Variants in EXOC3L2 observed in about 807,000 individuals in gnomAD.
EXOC3L2 encodes exocyst complex component 3-like protein 2.
In EXOC3L2, 17 loss-of-function variants were observed where a neutral mutation model predicts 44.4. The observed-to-expected ratio is 0.38, with a 90% CI of 0.26 to 0.57. The LOEUF (loss-of-function observed/expected upper bound fraction) is 0.57, where lower values mean the gene tolerates loss of function less well. Among genes scored for constraint, EXOC3L2 ranks in the 20% least tolerant of loss-of-function variants. EXOC3L2 has a pLI of 0.65. For missense variants in EXOC3L2, 541 were observed against 588.4 expected (o/e 0.92, Z 0.83); for synonymous variants, 256 against 253.7 (o/e 1.01, Z -0.09).
At chr19:45,217,952 G>A (rs1969854630) in intron 9 of EXOC3L2, among the ~76,000 whole-genome samples, 1 of 151,774 alleles carries the variant, frequency 6.6e-6, no homozygotes, top group Admixed American at 6.6e-5. Context: ...CCACTCTCAG[G>A]GGCCCTGACT....
chr19:45,230,657 A>C (rs1970021580), intron 4 of EXOC3L2, among the ~76,000 whole-genome samples: 1 of 152,100 alleles, frequency 6.6e-6, no homozygotes, highest in Non-Finnish European at 1.5e-5. Context: ...CCAAGGGTCT[A>C]TGTTTTATTG....
intron 8 of EXOC3L2, among the ~76,000 whole-genome samples, chr19:45,222,201 CTTT>C (rs60929770): frequency 7.3e-6 from 1 of 137,214 alleles, no homozygotes; most frequent in Non-Finnish European, 1.6e-5. Flanking sequence ...TTTTTCTCTC[CTTT>C]TTTTTTTTTT....
At position 45,217,579 on chromosome 19, in the gene EXOC3L2, G is replaced by C; in HGVS notation, c.1947C>G (p.Ala649=). The C allele has an allele frequency of 6.5e-7, 1 of 1,548,376 alleles. No individual in the cohort carries two copies. Among genetic ancestry groups the C allele is most frequent in the Non-Finnish European group, 8.7e-7 (1 of 1,154,324 alleles). Reference sequence around the variant, plus strand: ...GCGCCGCGTCCTCCCGGAGCCTGCCGGCCACGCGGCTGCGGGTCCGCGCCG... The same window carrying C: ...GCGCCGCGTCCTCCCGGAGCCTGCCCGCCACGCGGCTGCGGGTCCGCGCCG... ...CSSARTRSRV[A]GRLREDAAQL... Residue 649 remains alanine, a synonymous_variant, in exon 10 of 12, where the codon GCC becomes GCG. Coordinates refer to ENST00000413988, the MANE Select transcript of EXOC3L2 (RefSeq NM_001382422.1).
intron 3 of EXOC3L2, among the ~76,000 whole-genome samples, chr19:45,233,625 G>C (rs1436945540): frequency 2.0e-5 from 3 of 152,096 alleles, no homozygotes; most frequent in East Asian, 1.9e-4. Context: ...TGAAACTGTC[G>C]ATAGTGCTAA....
rs1969983949 is a variant in EXOC3L2 at position 45,227,957 on chromosome 19, C to T, written c.1472+17G>A. 3.1e-6 allele frequency: 5 copies of T among 1,609,950 alleles called. No homozygotes were observed. The highest frequency in any genetic ancestry group is 4.2e-6 in the Non-Finnish European group (5 of 1,177,764). ...CAACCCCCAGCAGAGCTAACCTGTG[C>T]TCCCAGGTTCCCCTACCTCTGCAGG... On this transcript the variant is annotated intron_variant, in intron 6 of 11. Transcript: ENST00000413988.
At chr19:45,226,678 T>C (rs1969963945) in intron 7 of EXOC3L2, among the ~76,000 whole-genome samples, 1 of 150,390 alleles carries the variant, frequency 6.6e-6, no homozygotes, top group African/African-American at 2.5e-5. Context: ...TGAGATGAAC[T>C]GCTCGCCTCG....
At position 45,227,669 on chromosome 19, in the gene EXOC3L2, G is replaced by A. The variant is rs759520899; in HGVS notation, c.1576C>T (p.Pro526Ser). ...KTIALVNCGP[P>S]LRALAERLAR... ...CACCATGGATGCCCTCACCTCAGTG[G>A]GGGGCCGCAGTTGACCAGGGCGATG... Residue 526 changes from proline to serine, a missense_variant, in exon 7 of 12, where the codon CCA (proline) becomes TCA (serine). Pro to Ser is a moderately conservative substitution (Grantham distance 74). Transcript: ENST00000413988. The A allele has an allele frequency of 1.7e-5, 28 of 1,610,702 alleles. No homozygotes were observed. Among genetic ancestry groups the A allele is most frequent in the Non-Finnish European group, 2.3e-5 (27 of 1,179,176 alleles).
intron 11 of EXOC3L2, among the ~76,000 whole-genome samples, chr19:45,214,893 C>T (rs983041108): frequency 3.9e-5 from 6 of 152,062 alleles, no homozygotes; most frequent in African/African-American, 1.4e-4. Flanking sequence ...CAGTGGCTCA[C>T]GCCTGTAATC....
At chr19:45,220,046 G>A (rs561112249) in intron 8 of EXOC3L2, among the ~76,000 whole-genome samples, 6 of 152,116 alleles carry the variant, frequency 3.9e-5, no homozygotes, top group Admixed American at 2.0e-4. Context: ...GATGGTGGGC[G>A]CCTGTAATCC....
At chr19:45,225,620 C>G (rs1212350380) in intron 7 of EXOC3L2, among the ~76,000 whole-genome samples, 1 of 125,320 alleles carries the variant, frequency 8.0e-6, no homozygotes, top group Non-Finnish European at 1.7e-5. Flanking sequence ...TTACTCTTCT[C>G]TTTTTTTTTT....
intron 7 of EXOC3L2, among the ~76,000 whole-genome samples, 199 bp from the exon 8 acceptor site, chr19:45,225,112 C>T (rs1047613465): frequency 2.0e-4 from 26 of 128,574 alleles, no homozygotes; most frequent in South Asian, 7.3e-4. Context: ...TGTCTGGGGA[C>T]GTCAGGGGAC....
chr19:45,215,922 T>A (rs1385942985), intron 11 of EXOC3L2, 151 bp downstream of exon 11: 17 of 1,112,294 alleles, frequency 1.5e-5, no homozygotes, highest in Non-Finnish European at 2.1e-5. Flanking sequence ...GGAAATCTTA[T>A]TAATAATGCC....
Position 45,228,063 on chromosome 19 carries a change from C to T in EXOC3L2, c.1383G>A (p.Glu461=). ...TGATGCGGGGTGCTCGCTCTGTGTG[C>T]TCTTCCAGCAGCTGTGAGGTCCAGG... is the stretch of plus-strand genomic sequence containing the variant. The part of the protein sequence containing the change: ...LAQDVCELLE[E]HTERAPRISQ... Residue 461 remains glutamate, a synonymous_variant, in exon 6 of 12, where the codon GAG becomes GAA. Transcript: ENST00000413988. The T allele has an allele frequency of 6.2e-7, 1 of 1,614,144 alleles. No homozygotes were observed. Among genetic ancestry groups the T allele is most frequent in the Non-Finnish European group, 8.5e-7 (1 of 1,180,022 alleles).
chr19:45,213,360 G>C lies in EXOC3L2; in HGVS notation c.2121-3C>G. ...GGAGGGCTGCCACGTGCTTCTGCCT[G>C]TGGGGAGAGGAACAGACAGGTGCAT... On this transcript the variant is annotated splice_polypyrimidine_tract_variant and splice_region_variant and intron_variant, in intron 11 of 11. Transcript: ENST00000413988. 2.5e-6 allele frequency: 4 copies of C among 1,613,002 alleles called. No homozygotes were observed. Among genetic ancestry groups the C allele is most frequent in the Non-Finnish European group, 3.4e-6 (4 of 1,179,628 alleles).
chr19:45,234,776 C>T lies in EXOC3L2; in HGVS notation c.574G>A (p.Glu192Lys), dbSNP rs1970066701. The change falls in exon 3 of 12, where the codon GAG becomes AAG. Residue 192 changes from glutamate (E) to lysine (K), a missense_variant. Glu to Lys is a moderately conservative substitution (Grantham distance 56). Coordinates refer to ENST00000413988, the MANE Select transcript of EXOC3L2 (RefSeq NM_001382422.1). The surrounding 1 kb of genome is among the most constrained non-coding windows in gnomAD (Gnocchi z 5.0). ...TCGGCCTCTAGCTCCAGGATGTGCTCGTCCGCACGCGCTAGTTCGCGCTGC... is the reference window on the plus strand; with the variant it reads ...TCGGCCTCTAGCTCCAGGATGTGCTTGTCCGCACGCGCTAGTTCGCGCTGC... ...IQQRELARAD[E>K]HILELEAEEL... 2.5e-6 allele frequency: 1 copy of T among 396,392 alleles called. No individual in the cohort carries two copies. The allele number at this position is 396,392 out of a possible 1,614,324, so 24.6% of individuals were successfully genotyped here. A position where few individuals can be genotyped will look rare whatever the true frequency, so the allele number is the denominator to read the frequency against.
At chr19:45,217,441 T>TC in intron 10 of EXOC3L2, 87 bp downstream of exon 10, 1 of 1,394,884 alleles carries the variant, frequency 7.2e-7, no homozygotes, top group Non-Finnish European at 9.3e-7. Flanking sequence ...TCTGCCCCTC[T>TC]CCCCCTGGCT....
At position 45,215,565 on chromosome 19, in the gene EXOC3L2, G is replaced by GGAT. The variant is rs369100560; in HGVS notation, c.2120+505_2120+507dup. Reference sequence around the variant, plus strand: ...GAACTGGAATTGTTACTATAGTCATGGATGATGATGATGATGATGATGATG... The same window carrying GGAT: ...GAACTGGAATTGTTACTATAGTCATGGATGATGATGATGATGATGATGATGATG... On this transcript the variant is annotated intron_variant, in intron 11 of 11. Coordinates refer to ENST00000413988, the MANE Select transcript of EXOC3L2 (RefSeq NM_001382422.1). 1.9e-3 allele frequency among the ~76,000 whole-genome samples: 283 copies of GGAT among 152,038 alleles called. 1 individual carries two copies. The highest frequency in any genetic ancestry group is 3.4e-3 in the Middle Eastern group (1 of 292).
Position 45,213,199 on chromosome 19 carries a change from C to T in EXOC3L2, c.2279G>A (p.Arg760His), listed in dbSNP as rs749294188. ...RAFFADIPVPRPSFCLSLPLF... is the reference protein window; with the variant it reads ...RAFFADIPVPHPSFCLSLPLF... ...AGGGAGGCTGAGACAGAAAGATGGG[C>T]GGGGCACAGGGATGTCTGCAAAGAA... Residue 760 changes from arginine to histidine, a missense_variant, in exon 12 of 12, where the codon CGC (arginine) becomes CAC (histidine). Transcript: ENST00000413988. 30 of 1,607,584 alleles carry T rather than the reference C, an allele frequency of 1.9e-5. No homozygotes were observed. Among genetic ancestry groups the T allele is most frequent in the Middle Eastern group, 1.7e-4 (1 of 6,028 alleles).
At position 45,227,066 on chromosome 19, in the gene EXOC3L2, C is replaced by CT. The variant is rs1328490139; in HGVS notation, c.1583+595dup. On this transcript the variant is annotated intron_variant, in intron 7 of 11. Transcript: ENST00000413988. ...CGATGCCTGGCCCCCATCTCTCTCT[C>CT]TTTTTTTTTAGTTAAACTAATCAAA... Among the ~76,000 whole-genome samples, 9 of 124,100 alleles carry CT rather than the reference C, an allele frequency of 7.3e-5. No individual in the cohort carries two copies. The South Asian group carries it at 9.9e-4, about 14-fold the overall frequency. The allele number at this position is 124,100 out of a possible 152,430, so 81.4% of individuals were successfully genotyped here.
Sources: allele counts gnomAD v4.1 joint callset (sites outside exome capture counted in the v4.1 genomes callset), GRCh38; gene constraint gnomAD v4.1.1; non-coding constraint Gnocchi (gnomAD v3.1); transcripts MANE v1.5; gene names NCBI Gene and HGNC (gene_info 2026-07-23, HGNC 2026-07-21).